CHODL: variants seen among roughly 807,000 people sequenced by gnomAD.
CHODL encodes transmembrane protein MT75.
In CHODL, 29 loss-of-function variants were observed where a neutral mutation model predicts 34.5. That is an observed-to-expected ratio of 0.84 (90% CI 0.63 to 1.15). The LOEUF is 1.15. Ranked by LOEUF, CHODL falls within the 50% of genes most tolerant of loss-of-function variation. The pLI is 0.00. For synonymous variants in CHODL, 125 were observed against 116.1 expected (o/e 1.08, Z -0.49); for missense variants, 332 against 332.5 (o/e 1.00, Z 0.01).
intron 1 of CHODL, among the ~76,000 whole-genome samples, chr21:17,936,172 G>A (rs1237579046): frequency 2.6e-5 from 4 of 152,162 alleles, no homozygotes; most frequent in African/African-American, 9.7e-5. Flanking sequence ...TGGTTGGCAG[G>A]CAATTTCAGT....
intron 2 of CHODL, among the ~76,000 whole-genome samples, chr21:18,165,275 C>G (rs546032322): frequency 4.6e-5 from 7 of 152,288 alleles, no homozygotes; most frequent in African/African-American, 1.7e-4. Context: ...ACAAAACTCA[C>G]TTGTGGTATT....
intron 2 of CHODL, among the ~76,000 whole-genome samples, chr21:18,103,575 C>T (rs1221744423): frequency 6.6e-6 from 1 of 152,120 alleles, no homozygotes; most frequent in African/African-American, 2.4e-5. Context: ...TGTGGCATTG[C>T]CTGTCTCTCA....
At chr21:18,217,608 G>A (rs1003165579) in intron 2 of CHODL, among the ~76,000 whole-genome samples, 1 of 151,970 alleles carries the variant, frequency 6.6e-6, no homozygotes, top group African/African-American at 2.4e-5. Flanking sequence ...ATGTCACCCT[G>A]GCCCCTCTCA....
intron 2 of CHODL, among the ~76,000 whole-genome samples, chr21:18,201,686 G>C (rs2073653998): frequency 6.6e-6 from 1 of 151,480 alleles, no homozygotes; most frequent in African/African-American, 2.4e-5. Context: ...TTTAAATGCA[G>C]AAAATATTTT....
chr21:18,053,799 C>A (rs2064545192), intron 2 of CHODL, among the ~76,000 whole-genome samples: 1 of 151,768 alleles, frequency 6.6e-6, no homozygotes, highest in Non-Finnish European at 1.5e-5. Flanking sequence ...AAGGCAGCCT[C>A]ATGTAAGACT....
At chr21:18,243,487 A>G (rs2074100994), upstream of CHODL, among the ~76,000 whole-genome samples, 1 of 152,154 alleles carries the variant, frequency 6.6e-6, no homozygotes, top group African/African-American at 2.4e-5. Flanking sequence ...GTGTTTTTAA[A>G]GGGAATATAA....
chr21:18,241,574 G>C (rs532905289), upstream of CHODL, among the ~76,000 whole-genome samples: 2 of 152,172 alleles, frequency 1.3e-5, no homozygotes, highest in Non-Finnish European at 2.9e-5. Flanking sequence ...TGAAGCCACT[G>C]TATGGAGTTG....
At chr21:17,976,011 C>T (rs1233780524) in intron 1 of CHODL, among the ~76,000 whole-genome samples, 2 of 151,988 alleles carry the variant, frequency 1.3e-5, no homozygotes, top group Non-Finnish European at 2.9e-5. Flanking sequence ...TATATTTTAT[C>T]ACCTTAAGTT....
intron 2 of CHODL, among the ~76,000 whole-genome samples, chr21:18,116,805 A>T (rs1271514813): frequency 2.6e-5 from 4 of 152,196 alleles, no homozygotes; most frequent in East Asian, 1.9e-4. Context: ...GGGCTCAGAC[A>T]GTTTTGCTCT....
At position 17,923,519 on chromosome 21, in the gene CHODL, G is replaced by T. The variant is rs544513190; in HGVS notation, c.-145+6119G>T. On this transcript the variant is annotated intron_variant, in intron 1 of 6. Coordinates refer to the CHODL transcript ENST00000400127. ...CATTGTTGCCCAGGCTGGAGTGTGGGGTCACAATCTCGGCTCACTGCAACC... is the reference window on the plus strand; with the variant it reads ...CATTGTTGCCCAGGCTGGAGTGTGGTGTCACAATCTCGGCTCACTGCAACC... Among the ~76,000 whole-genome samples the T allele has an allele frequency of 1.3e-5, 2 of 150,150 alleles. 1 individual carries two copies. Among genetic ancestry groups the T allele is most frequent in the Admixed American group, 1.3e-4 (2 of 15,104 alleles).
chr21:18,224,553 G>A (rs1296752511), intron 2 of CHODL, among the ~76,000 whole-genome samples: 5 of 152,272 alleles, frequency 3.3e-5, no homozygotes, highest in African/African-American at 1.2e-4. Context: ...CCCACCAGAA[G>A]CCTTGACACT....
At chr21:17,922,108 C>T (rs1269492314) in intron 1 of CHODL, among the ~76,000 whole-genome samples, 2 of 151,720 alleles carry the variant, frequency 1.3e-5, no homozygotes, top group Non-Finnish European at 2.9e-5. Context: ...TTAGGAGGTA[C>T]ATGGCAGTAC....
intron 2 of CHODL, among the ~76,000 whole-genome samples, chr21:18,058,700 C>CT (rs929388720): frequency 2.0e-5 from 3 of 152,086 alleles, no homozygotes; most frequent in Admixed American, 6.6e-5. Flanking sequence ...ACAAAATGGA[C>CT]TTTTTTTGGT....
At chr21:18,075,982 C>T (rs761779606) in intron 2 of CHODL, among the ~76,000 whole-genome samples, 25 of 152,202 alleles carry the variant, frequency 1.6e-4, no homozygotes, top group Admixed American at 3.3e-4. Context: ...CCTTCCCAGA[C>T]ACTGAATCTG....
At chr21:17,934,132 G>A (rs920057105) in intron 1 of CHODL, among the ~76,000 whole-genome samples, 1 of 151,514 alleles carries the variant, frequency 6.6e-6, no homozygotes, top group Non-Finnish European at 1.5e-5. Flanking sequence ...TGGATACAAT[G>A]TTCACTGATT....
chr21:18,094,363 G>T (rs1189625614), intron 2 of CHODL, among the ~76,000 whole-genome samples: 3 of 152,042 alleles, frequency 2.0e-5, no homozygotes, highest in African/African-American at 7.2e-5. Flanking sequence ...GAACAAATTG[G>T]CCTAAGAGAT....
chr21:17,990,763 C>T (rs1278428682), intron 1 of CHODL, among the ~76,000 whole-genome samples: 1 of 151,852 alleles, frequency 6.6e-6, no homozygotes, highest in Admixed American at 6.6e-5. Flanking sequence ...GTATAATAAT[C>T]AAATCAGTAA....
chr21:17,921,226 A>T (rs2063181247), intron 1 of CHODL, among the ~76,000 whole-genome samples: 1 of 152,200 alleles, frequency 6.6e-6, no homozygotes, highest in African/African-American at 2.4e-5. Context: ...TTTGCTGAAG[A>T]ATTCCCTCTT....
At chr21:18,042,064 C>T (rs894747054) in intron 2 of CHODL, among the ~76,000 whole-genome samples, 4 of 151,746 alleles carry the variant, frequency 2.6e-5, no homozygotes, top group East Asian at 1.9e-4. Flanking sequence ...AGCTGATGAA[C>T]GGTGTCCTGT....
Sources: gnomAD v4.1 joint callset for allele counts (sites outside exome capture counted in the v4.1 genomes callset) on GRCh38, gnomAD v4.1.1 for gene constraint, MANE v1.5 for transcripts, NCBI Gene and HGNC (gene_info 2026-07-23, HGNC 2026-07-21) for gene names.